DHRSX: variants seen among roughly 807,000 people sequenced by gnomAD.
DHRSX encodes polyprenol dehydrogenase.
In DHRSX, 31 loss-of-function variants were observed where a neutral mutation model predicts 34.0. That is an observed-to-expected ratio of 0.91 (90% confidence interval 0.69 to 1.23). DHRSX has a LOEUF of 1.23. Ranked by LOEUF, DHRSX falls within the 50% of genes most tolerant of loss-of-function variation. DHRSX has a pLI of 0.00. For synonymous variants in DHRSX, 201 were observed against 183.8 expected (o/e 1.09, Z -0.76); for missense variants, 414 against 428.1 (o/e 0.97, Z 0.29).
At chrX:2,310,066 C>T (rs1177734492) in intron 3 of DHRSX, among the ~76,000 whole-genome samples, 5 of 152,148 alleles carry the variant, frequency 3.3e-5, no homozygotes, top group South Asian at 2.1e-4. Flanking sequence ...CCCGTCCCTA[C>T]GCATCCTAAT....
rs1428090252 is a variant in DHRSX, at chrX:2,219,509, T to C, written c.*1532A>G. ...CCCATTCCCGGAGGATGAATGATTT[T>C]TTTTTTAAAGAGGCCAAACAATACA... On this transcript the variant is annotated 3_prime_UTR_variant, in exon 7 of 7. Transcript: ENST00000334651. 1 of 152,182 alleles carries C rather than the reference T, an allele frequency of 6.6e-6. No homozygotes were observed. Among genetic ancestry groups the C allele is most frequent in the Non-Finnish European group, 1.5e-5 (1 of 68,036 alleles). 9.4% of individuals were successfully genotyped at this position (152,182 alleles called of 1,614,324 possible). A position where few individuals can be genotyped will look rare whatever the true frequency, so the allele number is the denominator to read the frequency against.
At chrX:2,333,501 G>A (rs184498631) in intron 3 of DHRSX, among the ~76,000 whole-genome samples, 16 of 152,132 alleles carry the variant, frequency 1.1e-4, no homozygotes, top group African/African-American at 1.2e-4. Context: ...TGCAACCTCC[G>A]CCTCATGGGT....
At chrX:2,312,936 G>C (rs1315826368) in intron 3 of DHRSX, among the ~76,000 whole-genome samples, 1 of 151,950 alleles carries the variant, frequency 6.6e-6, no homozygotes, top group Admixed American at 6.6e-5. Flanking sequence ...CCAATTGCAA[G>C]TCCAAAAGTC....
intron 3 of DHRSX, among the ~76,000 whole-genome samples, chrX:2,292,540 C>G (rs1337777129): frequency 6.6e-6 from 1 of 151,840 alleles, no homozygotes; most frequent in Admixed American, 6.6e-5. Context: ...CAAAATGACT[C>G]AGAAGCAAGG....
intron 3 of DHRSX, among the ~76,000 whole-genome samples, chrX:2,342,408 G>A (rs984280260): frequency 6.6e-6 from 1 of 151,950 alleles, no homozygotes; most frequent in Non-Finnish European, 1.5e-5. Context: ...GGATTGTCCC[G>A]GGGCTAGTTC....
intron 3 of DHRSX, among the ~76,000 whole-genome samples, chrX:2,317,543 C>T (rs866447981): frequency 1.3e-5 from 2 of 151,730 alleles, no homozygotes; most frequent in Admixed American, 6.6e-5. Context: ...TGAGCCACTG[C>T]GTGCGGCCCT....
chrX:2,302,993 T>C (rs1003914112), intron 3 of DHRSX, among the ~76,000 whole-genome samples: 28 of 152,132 alleles, frequency 1.8e-4, no homozygotes, highest in African/African-American at 6.5e-4. Flanking sequence ...ACTCCTGAGG[T>C]ACTGCTGTAA....
intron 6 of DHRSX, among the ~76,000 whole-genome samples, chrX:2,234,034 T>C (rs2015957609): frequency 6.6e-6 from 1 of 152,238 alleles, no homozygotes; most frequent in Non-Finnish European, 1.5e-5. Context: ...TTGCAGGAAA[T>C]AGCCACTGCC....
At chrX:2,356,066 C>CAAAAA in intron 3 of DHRSX, among the ~76,000 whole-genome samples, 1 of 112,036 alleles carries the variant, frequency 8.9e-6, no homozygotes, top group African/African-American at 3.5e-5. Flanking sequence ...GACTCCGTCT[C>CAAAAA]AAAAAAAAAA....
chrX:2,379,595 GTTTTTTTTTTT>G (rs749144665), intron 3 of DHRSX, among the ~76,000 whole-genome samples: 1 of 103,924 alleles, frequency 9.6e-6, no homozygotes, highest in Non-Finnish European at 2.0e-5. Context: ...GGCAGTGGAG[GTTTTTTTTTTT>G]TTTTTTTTTT....
At position 2,455,824 on chromosome X, in the gene DHRSX, T is replaced by A. The variant is rs2044289183; in HGVS notation, c.110-30520A>T. On this transcript the variant is annotated intron_variant, in intron 1 of 6. Coordinates refer to ENST00000334651, the MANE Select transcript of DHRSX (RefSeq NM_145177.3). Reference sequence around the variant, plus strand: ...GGGGAACATTTTACTGATTTTTTTTTAACTCTTTTAAAATGTTAGATTAGT... The same window carrying A: ...GGGGAACATTTTACTGATTTTTTTTAAACTCTTTTAAAATGTTAGATTAGT... Among the ~76,000 whole-genome samples, 4 of 151,964 alleles carry A rather than the reference T, an allele frequency of 2.6e-5. No individual in the cohort carries two copies. In the South Asian group the frequency reaches 8.3e-4, roughly 32 times the overall value.
chrX:2,236,280 G>A (rs1322973446), intron 6 of DHRSX, among the ~76,000 whole-genome samples: 1 of 152,162 alleles, frequency 6.6e-6, no homozygotes, highest in Non-Finnish European at 1.5e-5. Flanking sequence ...CCTGTCTTCG[G>A]AGGTTTTGGC....
chrX:2,305,726 AAACT>A (rs753525556), intron 3 of DHRSX, among the ~76,000 whole-genome samples: 195 of 152,122 alleles, frequency 1.3e-3, no homozygotes, highest in African/African-American at 4.6e-3. Context: ...CATTCTCAGC[AAACT>A]AACACAAGAA....
intron 3 of DHRSX, among the ~76,000 whole-genome samples, chrX:2,331,449 T>TTTTTG (rs2042475248): frequency 7.4e-6 from 1 of 134,834 alleles, no homozygotes; most frequent in Non-Finnish European, 1.7e-5. Context: ...TTTTTTTTTT[T>TTTTTG]TTTTTTTTTT....
chrX:2,496,505 T>G (rs1265536976), intron 1 of DHRSX, among the ~76,000 whole-genome samples: 2 of 152,126 alleles, frequency 1.3e-5, no homozygotes, highest in African/African-American at 4.8e-5. Flanking sequence ...GGCCCGCCAA[T>G]AGAGATTTTA....
chrX:2,321,132 GT>G (rs1240434383), intron 3 of DHRSX, among the ~76,000 whole-genome samples: 2 of 152,122 alleles, frequency 1.3e-5, no homozygotes, highest in Non-Finnish European at 2.9e-5. Flanking sequence ...GAGAGCCTAA[GT>G]ATATCTTCAT....
At chrX:2,312,274 G>C (rs1301227818) in intron 3 of DHRSX, among the ~76,000 whole-genome samples, 5 of 152,118 alleles carry the variant, frequency 3.3e-5, no homozygotes, top group Non-Finnish European at 7.3e-5. Context: ...ACTTGATGAA[G>C]AAGAAAGTCA....
intron 3 of DHRSX, among the ~76,000 whole-genome samples, chrX:2,346,748 T>A (rs751650349): frequency 6.6e-6 from 1 of 151,926 alleles, no homozygotes; most frequent in Non-Finnish European, 1.5e-5. Flanking sequence ...TTGCTGCACC[T>A]ATCAACCCGT....
chrX:2,402,241 C>G (rs1034776503), intron 3 of DHRSX, among the ~76,000 whole-genome samples: 1 of 152,244 alleles, frequency 6.6e-6, no homozygotes, highest in African/African-American at 2.4e-5. Context: ...GGGATCCCAG[C>G]AGAGCAAGAA....
Sources: gnomAD v4.1 joint callset for allele counts (sites outside exome capture counted in the v4.1 genomes callset) on GRCh38, gnomAD v4.1.1 for gene constraint, MANE v1.5 for transcripts, NCBI Gene and HGNC (gene_info 2026-07-23, HGNC 2026-07-21) for gene names.